MCM9: variants seen among roughly 807,000 people sequenced by gnomAD.
MCM9 encodes minichromosome maintenance 9 homologous recombination repair factor.
In MCM9, 55 loss-of-function variants were observed where a neutral mutation model predicts 72.8. The ratio of observed to expected loss-of-function variants is 0.76; its 90% CI spans 0.61 to 0.95. The LOEUF (loss-of-function observed/expected upper bound fraction) is 0.95, where lower values mean the gene tolerates loss of function less well. Ranked by LOEUF, MCM9 falls within the 40% of genes least tolerant of loss-of-function variation. The pLI, the probability that MCM9 is intolerant of heterozygous loss-of-function variation, is 0.00. For synonymous variants in MCM9, 480 were observed against 503.4 expected, an observed-to-expected ratio of 0.95 and a Z score of 0.62; for missense variants, 1,279 against 1,377.0, an observed-to-expected ratio of 0.93 and a Z score of 1.13.
intron 8 of MCM9, among the ~76,000 whole-genome samples, chr6:118,888,436 G>A (rs772995083): frequency 6.6e-6 from 1 of 152,112 alleles, no homozygotes; most frequent in African/African-American, 2.4e-5. Flanking sequence ...GCAGTGAGCC[G>A]AGATCACGCC....
chr6:118,854,478 G>C (rs1040288901), intron 9 of MCM9, among the ~76,000 whole-genome samples: 1 of 152,132 alleles, frequency 6.6e-6, no homozygotes, highest in Admixed American at 6.5e-5. Flanking sequence ...TCAGCCTCCC[G>C]AGTTGCTGGG....
chr6:118,885,830 C>T (rs1334240265), intron 8 of MCM9, among the ~76,000 whole-genome samples: 1 of 151,834 alleles, frequency 6.6e-6, no homozygotes, highest in Non-Finnish European at 1.5e-5. Flanking sequence ...GCAGTATTGC[C>T]CACAGACCAA....
chr6:118,856,677 G>C, intron 8 of MCM9, 132 bp from the exon 9 acceptor site: 2 of 936,678 alleles, frequency 2.1e-6, no homozygotes, highest in South Asian at 1.7e-5. Context: ...ACAGGAGTTC[G>C]AGGCCTGCCT....
At chr6:118,823,449 C>T (rs1022019204) in intron 13 of MCM9, among the ~76,000 whole-genome samples, 14 of 152,146 alleles carry the variant, frequency 9.2e-5, no homozygotes, top group Non-Finnish European at 1.8e-4. Flanking sequence ...AGTCCCAATG[C>T]GATGAACTGG....
At chr6:118,880,430 A>G (rs574607489) in intron 8 of MCM9, among the ~76,000 whole-genome samples, 1 of 152,340 alleles carries the variant, frequency 6.6e-6, no homozygotes, top group African/African-American at 2.4e-5. Flanking sequence ...TGCAATGAGT[A>G]GGTAACTGCC....
chr6:118,896,814 G>A (rs963264356), intron 8 of MCM9, among the ~76,000 whole-genome samples: 1 of 147,136 alleles, frequency 6.8e-6, no homozygotes, highest in Admixed American at 7.0e-5. Flanking sequence ...TAAAAATTCT[G>A]TTCTTAAAAT....
rs116063933 is a variant in MCM9, at chr6:118,931,540, G to A, written c.184C>T (p.Pro62Ser). The A allele has an allele frequency of 3.7e-6, 6 of 1,614,016 alleles. No homozygotes were observed. In the East Asian group the frequency reaches 8.9e-5, roughly 24 times the overall value. The change falls in exon 3 of 14, where the codon CCC (proline) becomes TCC (serine). Residue 62 changes from proline (P) to serine (S), a missense_variant. Physicochemically the swap from Pro to Ser is moderately conservative, Grantham distance 74. Coordinates refer to ENST00000619706, the MANE Select transcript of MCM9 (RefSeq NM_017696.3). Reference sequence around the variant, plus strand: ...TCAAAAATTGTAAGCACTTCACTGGGGAACATGTTGAAATATTCCCCGATT... The same window carrying A: ...TCAAAAATTGTAAGCACTTCACTGGAGAACATGTTGAAATATTCCCCGATT... ...MEIGEYFNMFPSEVLTIFDSA... is the reference protein window; with the variant it reads ...MEIGEYFNMFSSEVLTIFDSA...
rs925727394 is a variant in MCM9 at position 118,907,553 on chromosome 6, G to A, written c.1150+4097C>T. 6 of 1,613,550 alleles carry A rather than the reference G, an allele frequency of 3.7e-6. No homozygotes were observed. Among genetic ancestry groups the A allele is most frequent in the Non-Finnish European group, 5.1e-6 (6 of 1,179,702 alleles). ...GATGCATTACCTTCAGCATCAAAGG[G>A]ATGGTCCACATCAGAAAACTCACTA... On this transcript the variant is annotated intron_variant, in intron 8 of 13. Transcript: ENST00000619706.
chr6:118,821,703 T>C (rs981772801), intron 13 of MCM9, among the ~76,000 whole-genome samples: 15 of 152,208 alleles, frequency 9.9e-5, no homozygotes, highest in African/African-American at 3.1e-4. Context: ...CTGGAAAATA[T>C]CCAAGTGTGT....
intron 1 of MCM9, among the ~76,000 whole-genome samples, chr6:118,934,117 G>A (rs1162953062): frequency 6.6e-6 from 1 of 152,152 alleles, no homozygotes; most frequent in Non-Finnish European, 1.5e-5. Context: ...AGAATTCAAC[G>A]TTCAAATTAA....
chr6:118,930,407 C>T (rs1257765869), intron 3 of MCM9, among the ~76,000 whole-genome samples: 7 of 152,130 alleles, frequency 4.6e-5, no homozygotes, highest in Non-Finnish European at 4.4e-5. Flanking sequence ...CCACCGCGCC[C>T]GGCTGCTAAA....
At chr6:118,851,324 ATAAGG>A (rs1404430966) in intron 9 of MCM9, among the ~76,000 whole-genome samples, 1 of 151,876 alleles carries the variant, frequency 6.6e-6, no homozygotes, top group Non-Finnish European at 1.5e-5. Context: ...CTCTGTTACT[ATAAGG>A]TAATTAGAAA....
At chr6:118,934,825 G>A (rs1438774566) in intron 1 of MCM9, 66 bp downstream of exon 1, 1 of 152,298 alleles carries the variant, frequency 6.6e-6, no homozygotes, top group Non-Finnish European at 1.5e-5. Context: ...TAATGAGACG[G>A]GAACGAGACT....
intron 8 of MCM9, chr6:118,894,093 T>C: frequency 8.8e-7 from 1 of 1,131,452 alleles, no homozygotes; most frequent in Non-Finnish European, 1.1e-6. Flanking sequence ...TCCGAGTCCA[T>C]TCCGGGAGCG....
intron 9 of MCM9, among the ~76,000 whole-genome samples, chr6:118,840,001 C>A (rs1460890729): frequency 6.6e-6 from 1 of 152,236 alleles, no homozygotes; most frequent in South Asian, 2.1e-4. Flanking sequence ...AAAGTTTAAG[C>A]CTGCTGAAGC....
chr6:118,932,287 A>C (rs1042257699), intron 2 of MCM9, among the ~76,000 whole-genome samples: 2 of 152,152 alleles, frequency 1.3e-5, no homozygotes, highest in African/African-American at 2.4e-5. Context: ...GTGTAAATAT[A>C]CTCTATGATG....
At chr6:118,882,212 C>A (rs1038348545) in intron 8 of MCM9, among the ~76,000 whole-genome samples, 2 of 152,194 alleles carry the variant, frequency 1.3e-5, no homozygotes, top group Admixed American at 6.5e-5. Context: ...CCAATAAGGG[C>A]AGAGGCTACC....
intron 9 of MCM9, among the ~76,000 whole-genome samples, chr6:118,855,022 T>C (rs1410851463): frequency 6.6e-6 from 1 of 152,174 alleles, no homozygotes; most frequent in Non-Finnish European, 1.5e-5. Context: ...CTTTACCACA[T>C]AGAGTGGAAA....
At chr6:118,843,740 A>ATATATAATG (rs1231635728) in intron 9 of MCM9, among the ~76,000 whole-genome samples, 1 of 129,034 alleles carries the variant, frequency 7.7e-6, no homozygotes, top group African/African-American at 3.1e-5. Flanking sequence ...ATATATATAT[A>ATATATAATG]TGAGAAATTT....
Sources: allele counts gnomAD v4.1 joint callset (sites outside exome capture counted in the v4.1 genomes callset), GRCh38; gene constraint gnomAD v4.1.1; transcripts MANE v1.5; gene names NCBI Gene and HGNC (gene_info 2026-07-23, HGNC 2026-07-21).